NTRK3: variants seen among roughly 807,000 people sequenced by gnomAD.
NTRK3 encodes neurotrophic receptor tyrosine kinase 3.
Under a neutral mutation model 91.7 loss-of-function variants are expected in NTRK3, and 24 were observed. That is an observed-to-expected ratio of 0.26 (90% CI 0.19 to 0.37). The LOEUF (loss-of-function observed/expected upper bound fraction) is 0.37, where lower values mean the gene tolerates loss of function less well. Ranked by LOEUF, NTRK3 falls within the 10% of genes least tolerant of loss-of-function variation. NTRK3 has a pLI of 1.00. For missense variants in NTRK3, 880 were observed against 1,068.9 expected, an observed-to-expected ratio of 0.82 and a Z score of 2.46; for synonymous variants, 483 against 404.0, an observed-to-expected ratio of 1.20 and a Z score of -2.34.
chr15:88,255,655 T>C lies in NTRK3; in HGVS notation c.248+251A>G, dbSNP rs1013043631. Reference sequence around the variant, plus strand: ...GGCGGTAGCTGGGCCCCGCGTGCCCTCGGCGGCCGGGGTCCTCTCCGGGGA... The same window carrying C: ...GGCGGTAGCTGGGCCCCGCGTGCCCCCGGCGGCCGGGGTCCTCTCCGGGGA... On this transcript the variant is annotated intron_variant, in intron 3 of 18. Transcript: ENST00000394480. This position sits in a 1 kb window ranked among gnomAD's most constrained non-coding sequence, Gnocchi z 4.3. Among the ~76,000 whole-genome samples, 31 of 152,034 alleles carry C rather than the reference T, an allele frequency of 2.0e-4. No individual in the cohort carries two copies. In the Middle Eastern group the frequency reaches 0.01, roughly 50 times the overall value.
chr15:88,000,058 A>G (rs541185570), intron 14 of NTRK3, among the ~76,000 whole-genome samples: 1 of 152,178 alleles, frequency 6.6e-6, no homozygotes, highest in Non-Finnish European at 1.5e-5. Flanking sequence ...TCTTAGTGCT[A>G]TGATGGTGAT....
chr15:88,120,086 C>T (rs1354822264), intron 13 of NTRK3, among the ~76,000 whole-genome samples: 3 of 152,224 alleles, frequency 2.0e-5, no homozygotes, highest in Non-Finnish European at 4.4e-5. Context: ...GGAAGAAACC[C>T]TTCTCAGTCC....
At chr15:88,056,202 ATTTT>A (rs59829232) in intron 13 of NTRK3, among the ~76,000 whole-genome samples, 34,496 of 104,602 alleles carry the variant, frequency 0.33, 5,555 homozygotes, top group Non-Finnish European at 0.42. Flanking sequence ...ATATATATAT[ATTTT>A]TTTTTTAATG....
At chr15:87,944,380 A>G (rs1017605107) in intron 14 of NTRK3, among the ~76,000 whole-genome samples, 4 of 152,224 alleles carry the variant, frequency 2.6e-5, no homozygotes, top group African/African-American at 9.6e-5. Flanking sequence ...AAAGGGAATT[A>G]ACTTGCACGC....
intron 3 of NTRK3, among the ~76,000 whole-genome samples, chr15:88,226,860 G>C (rs1402308472): frequency 1.3e-5 from 2 of 152,322 alleles, no homozygotes; most frequent in South Asian, 4.1e-4. Flanking sequence ...GTGAAGGAGG[G>C]GTGATAGCCC....
At chr15:87,940,889 C>A (rs1596330149) in intron 14 of NTRK3, 136 bp from the exon 15 acceptor site, 1 of 1,139,912 alleles carries the variant, frequency 8.8e-7, no homozygotes, top group East Asian at 2.4e-5. Context: ...TCTAGCACAC[C>A]AGCTTTAGCA....
exon 19 of NTRK3, chr15:87,863,451 C>T (rs899918048): frequency 9.0e-6 from 2 of 222,862 alleles, no homozygotes; most frequent in Non-Finnish European, 1.8e-5. Context: ...CAAGAAATCC[C>T]GCTTATCAAA....
At chr15:88,101,040 G>T (rs1387704096) in intron 13 of NTRK3, among the ~76,000 whole-genome samples, 9 of 152,192 alleles carry the variant, frequency 5.9e-5, no homozygotes, top group South Asian at 2.1e-4. Context: ...CTAAAGAGCT[G>T]CTGCACAGCA....
exon 19 of NTRK3, chr15:87,863,994 T>TACACACACACACACAA (rs1555424635): frequency 1.4e-5 from 3 of 213,054 alleles, no homozygotes; most frequent in African/African-American, 7.2e-5. Flanking sequence ...CACACACACA[T>TACACACACACACACAA]ACACACACAC....
intron 17 of NTRK3, among the ~76,000 whole-genome samples, chr15:87,910,467 G>A (rs180736332): frequency 5.3e-5 from 8 of 152,338 alleles, no homozygotes; most frequent in East Asian, 1.9e-4. Context: ...CAGAGAAGCA[G>A]GAGGAGGCCA....
intron 5 of NTRK3, among the ~76,000 whole-genome samples, chr15:88,174,765 A>C (rs1045618360): frequency 1.3e-5 from 2 of 152,166 alleles, no homozygotes; most frequent in African/African-American, 4.8e-5. Context: ...CCTGCTCCAT[A>C]AGGCTGCCCA....
intron 17 of NTRK3, among the ~76,000 whole-genome samples, chr15:87,891,418 G>A (rs563222743): frequency 6.6e-6 from 1 of 152,246 alleles, no homozygotes; most frequent in Admixed American, 6.5e-5. Flanking sequence ...TGTAAAAACT[G>A]AGACACTGTT....
intron 3 of NTRK3, among the ~76,000 whole-genome samples, chr15:88,215,635 T>G (rs968074487): frequency 3.3e-5 from 5 of 152,198 alleles, no homozygotes; most frequent in African/African-American, 1.2e-4. Context: ...GAGGGTCTAA[T>G]GCTAGCAACA....
chr15:88,041,781 G>A (rs1172090825), intron 13 of NTRK3, among the ~76,000 whole-genome samples: 5 of 141,602 alleles, frequency 3.5e-5, no homozygotes, highest in East Asian at 2.2e-4. Context: ...GACACTTCGC[G>A]TGCATCACAC....
At chr15:87,898,523 G>T (rs1237637809) in intron 17 of NTRK3, among the ~76,000 whole-genome samples, 1 of 152,134 alleles carries the variant, frequency 6.6e-6, no homozygotes, top group Non-Finnish European at 1.5e-5. Flanking sequence ...CGGTGGACTA[G>T]GCTCAGAGAC....
chr15:88,087,559 C>A (rs1029364487), intron 13 of NTRK3, among the ~76,000 whole-genome samples: 3 of 152,168 alleles, frequency 2.0e-5, no homozygotes, highest in African/African-American at 7.2e-5. Context: ...GAAAGCTCAG[C>A]AGATGCTGAG....
intron 17 of NTRK3, among the ~76,000 whole-genome samples, chr15:87,909,812 G>A (rs1352521320): frequency 1.3e-5 from 2 of 152,166 alleles, no homozygotes; most frequent in Non-Finnish European, 2.9e-5. Flanking sequence ...CCACACAGAC[G>A]GATGACCATG....
intron 17 of NTRK3, among the ~76,000 whole-genome samples, chr15:87,921,547 CCTATGTGG>C (rs1202363659): frequency 6.6e-6 from 1 of 152,162 alleles, no homozygotes; most frequent in African/African-American, 2.4e-5. Flanking sequence ...CAACTGCTTG[CCTATGTGG>C]ACATGAATAG....
intron 14 of NTRK3, among the ~76,000 whole-genome samples, chr15:88,006,261 G>A (rs370975648): frequency 7.9e-5 from 12 of 152,224 alleles, no homozygotes; most frequent in South Asian, 6.2e-4. Flanking sequence ...CACCCCCACC[G>A]TAAGAGTGTT....
Sources: allele counts gnomAD v4.1 joint callset (sites outside exome capture counted in the v4.1 genomes callset), GRCh38; gene constraint gnomAD v4.1.1; non-coding constraint Gnocchi (gnomAD v3.1); transcripts MANE v1.5; gene names NCBI Gene and HGNC (gene_info 2026-07-23, HGNC 2026-07-21).